ANKIB1: variants seen among roughly 807,000 people sequenced by gnomAD.
The protein encoded by ANKIB1 is ankyrin repeat and IBR domain containing 1.
A neutral mutation model predicts 122.1 loss-of-function variants in ANKIB1; 43 were observed. The ratio of observed to expected loss-of-function variants is 0.35; its 90% CI spans 0.28 to 0.45. ANKIB1 has a LOEUF of 0.45. Among genes scored for constraint, ANKIB1 ranks in the 20% least tolerant of loss-of-function variants. The pLI is 1.00. For missense variants in ANKIB1, 992 were observed against 1,329.5 expected, an observed-to-expected ratio of 0.75 and a Z score of 3.95; for synonymous variants, 390 against 442.0, an observed-to-expected ratio of 0.88 and a Z score of 1.48.
intron 1 of ANKIB1, among the ~76,000 whole-genome samples, chr7:92,274,873 G>T (rs1382102460): frequency 6.6e-6 from 1 of 152,206 alleles, no homozygotes; most frequent in African/African-American, 2.4e-5. Flanking sequence ...ACTGCAGTGA[G>T]CTGTGATAGC....
At chr7:92,314,515 T>A (rs1802753531) in intron 3 of ANKIB1, among the ~76,000 whole-genome samples, 1 of 152,162 alleles carries the variant, frequency 6.6e-6, no homozygotes, top group Admixed American at 6.5e-5. Context: ...CTCAGCTCCA[T>A]CCAAGACCAA....
intron 1 of ANKIB1, among the ~76,000 whole-genome samples, chr7:92,263,064 G>A (rs1259300269): frequency 2.6e-5 from 4 of 152,064 alleles, no homozygotes; most frequent in Non-Finnish European, 5.9e-5. Context: ...TATACTATAA[G>A]GTCTTTCCAA....
chr7:92,388,445 A>G (rs953920512), intron 14 of ANKIB1, among the ~76,000 whole-genome samples: 2 of 152,244 alleles, frequency 1.3e-5, no homozygotes, highest in East Asian at 1.9e-4. Flanking sequence ...AATTTAACAG[A>G]GTGCCTAAGG....
chr7:92,348,540 C>T (rs1010321252), intron 7 of ANKIB1, among the ~76,000 whole-genome samples: 2 of 152,120 alleles, frequency 1.3e-5, no homozygotes, highest in Non-Finnish European at 2.9e-5. Flanking sequence ...CACCCGGCAC[C>T]ATGCCAAGCT....
intron 1 of ANKIB1, among the ~76,000 whole-genome samples, chr7:92,283,959 C>T (rs1585087437): frequency 6.6e-6 from 1 of 151,948 alleles, no homozygotes; most frequent in African/African-American, 2.4e-5. Flanking sequence ...TTAGTAGGGA[C>T]GGGGTTTCAT....
chr7:92,361,839 C>T (rs1803954223), intron 9 of ANKIB1, among the ~76,000 whole-genome samples: 1 of 150,734 alleles, frequency 6.6e-6, no homozygotes, highest in Non-Finnish European at 1.5e-5. Context: ...AATGGAGTTT[C>T]ACTCTTGTTC....
At chr7:92,362,333 T>G in intron 10 of ANKIB1, 60 bp downstream of exon 10, 1 of 1,433,858 alleles carries the variant, frequency 7.0e-7, no homozygotes, top group Non-Finnish European at 9.6e-7. Flanking sequence ...AAAGATAATG[T>G]GGTCATATCT....
chr7:92,329,610 C>A (rs189396668), intron 5 of ANKIB1, among the ~76,000 whole-genome samples: 1 of 152,276 alleles, frequency 6.6e-6, no homozygotes, highest in African/African-American at 2.4e-5. Context: ...TTATTTCTCA[C>A]AATCTATGGA....
intron 1 of ANKIB1, among the ~76,000 whole-genome samples, chr7:92,271,666 C>G (rs1268416319): frequency 2.0e-5 from 3 of 151,998 alleles, no homozygotes; most frequent in Non-Finnish European, 4.4e-5. Context: ...AAAGGAGCAA[C>G]AAGATGACAA....
intron 1 of ANKIB1, among the ~76,000 whole-genome samples, chr7:92,261,085 C>G (rs984623626): frequency 6.6e-6 from 1 of 152,030 alleles, no homozygotes; most frequent in Non-Finnish European, 1.5e-5. Context: ...CGCGGTGGCT[C>G]ACGCCTGTAA....
chr7:92,376,452 A>AT (rs548431066), intron 11 of ANKIB1, among the ~76,000 whole-genome samples: 2,446 of 135,826 alleles, frequency 0.018, 35 homozygotes, highest in African/African-American at 0.022. Context: ...TTTATTTTTT[A>AT]TTTTTTTTTT....
At position 92,338,373 on chromosome 7, in the gene ANKIB1, C is replaced by T. The variant is rs570924752; in HGVS notation, c.788-4651C>T. On this transcript the variant is annotated intron_variant, in intron 5 of 19. Transcript: ENST00000265742. ...GCCAAGGCTGCAGTGAGCCATTGATCGCCCCACTGCACTCTAGGCTGGGTG... is the reference window on the plus strand; with the variant it reads ...GCCAAGGCTGCAGTGAGCCATTGATTGCCCCACTGCACTCTAGGCTGGGTG... Among the ~76,000 whole-genome samples the T allele has an allele frequency of 1.6e-4, 24 of 151,480 alleles. No homozygotes were observed. In the East Asian group the frequency reaches 3.5e-3, roughly 22 times the overall value.
chr7:92,254,569 A>T (rs1801397760), intron 1 of ANKIB1, among the ~76,000 whole-genome samples: 2 of 152,146 alleles, frequency 1.3e-5, no homozygotes, highest in Admixed American at 1.3e-4. Context: ...ACTACTTATG[A>T]GGCTAGCTAC....
chr7:92,361,049 T>A (rs1803932985), intron 9 of ANKIB1, among the ~76,000 whole-genome samples: 3 of 152,086 alleles, frequency 2.0e-5, no homozygotes, highest in Non-Finnish European at 1.5e-5. Context: ...CCTTTGTAAA[T>A]AAAATCTTTT....
chr7:92,261,488 T>C (rs947638406), intron 1 of ANKIB1, among the ~76,000 whole-genome samples: 1 of 152,254 alleles, frequency 6.6e-6, no homozygotes, highest in Non-Finnish European at 1.5e-5. Context: ...GAGTTATTAA[T>C]TGCTATTGAC....
intron 7 of ANKIB1, among the ~76,000 whole-genome samples, chr7:92,347,071 T>C (rs1471684928): frequency 6.6e-6 from 1 of 152,162 alleles, no homozygotes; most frequent in Non-Finnish European, 1.5e-5. Flanking sequence ...AAAAAGAAAC[T>C]CCTAAAACCA....
intron 3 of ANKIB1, among the ~76,000 whole-genome samples, chr7:92,315,131 AAATT>A (rs1802769235): frequency 6.6e-6 from 1 of 152,176 alleles, no homozygotes. Flanking sequence ...AATTAGAGTA[AAATT>A]AATTAACTTT....
At chr7:92,387,689 G>T in intron 12 of ANKIB1, 109 bp from the exon 13 acceptor site, 1 of 696,612 alleles carries the variant, frequency 1.4e-6, no homozygotes, top group Non-Finnish European at 2.4e-6. Context: ...TCGCAAATCT[G>T]AATGCACTAC....
intron 3 of ANKIB1, among the ~76,000 whole-genome samples, chr7:92,315,010 A>T (rs1211346454): frequency 6.6e-6 from 1 of 152,124 alleles, no homozygotes; most frequent in Non-Finnish European, 1.5e-5. Flanking sequence ...AAGCAAGGGA[A>T]AGAAAGGTTA....
Sources: gnomAD v4.1 joint callset for allele counts (sites outside exome capture counted in the v4.1 genomes callset) on GRCh38, gnomAD v4.1.1 for gene constraint, MANE v1.5 for transcripts, NCBI Gene and HGNC (gene_info 2026-07-23, HGNC 2026-07-21) for gene names.